PPCS: variants seen among roughly 807,000 people sequenced by gnomAD.
The protein encoded by PPCS is phosphopantothenate--cysteine ligase.
Under a neutral mutation model 24.6 loss-of-function variants are expected in PPCS, and 17 were observed. The observed-to-expected ratio is 0.69, with a 90% confidence interval of 0.47 to 1.04. The LOEUF (loss-of-function observed/expected upper bound fraction) is 1.04, where lower values mean the gene tolerates loss of function less well. Among genes scored for constraint, PPCS ranks in the 50% least tolerant of loss-of-function variants. The pLI is 0.00. For missense variants in PPCS, 360 were observed against 402.8 expected, an observed-to-expected ratio of 0.89 and a Z score of 0.91; for synonymous variants, 190 against 168.3, an observed-to-expected ratio of 1.13 and a Z score of -1.00.
chr1:42,456,579 A>G lies in PPCS; in HGVS notation c.14A>G (p.Asp5Gly), dbSNP rs1438766858. The change falls in exon 1 of 3, where the codon GAT becomes GGT. Residue 5 changes from aspartate to glycine, a missense_variant. By Grantham distance (94) the Asp-to-Gly change is moderately conservative. This residue lies in a region of PPCS where 244 missense variants were observed against 234.7 expected (regional missense o/e 1.04). Transcript: ENST00000372561. ...GCTGCGCTGCAGATGGCGGAAATGG[A>G]TCCGGTAGCCGAGTTCCCCCAGCCT... MAEM[D>G]PVAEFPQPPG... 26 of 1,487,878 alleles carry G rather than the reference A, an allele frequency of 1.7e-5. No homozygotes were observed. Among genetic ancestry groups the G allele is most frequent in the Non-Finnish European group, 2.2e-5 (25 of 1,120,864 alleles). The allele number at this position is 1,487,878 out of a possible 1,614,324, so 92.2% of individuals were successfully genotyped here.
At chr1:42,457,722 G>T (rs1643267631) in intron 2 of PPCS, among the ~76,000 whole-genome samples, 1 of 152,150 alleles carries the variant, frequency 6.6e-6, no homozygotes, top group African/African-American at 2.4e-5. Context: ...GGAGGCCAAG[G>T]AGGGCAGATC....
chr1:42,467,960 T>C (rs868229132), intron 2 of PPCS, among the ~76,000 whole-genome samples: 1 of 152,244 alleles, frequency 6.6e-6, no homozygotes. Flanking sequence ...AGTTTTTCTC[T>C]GTAGAGAAGC....
At chr1:42,473,119 A>C (rs1643822848) in intron 2 of PPCS, 1 of 1,227,626 alleles carries the variant, frequency 8.1e-7, no homozygotes, top group African/African-American at 1.6e-5. Context: ...TTCTTCTATC[A>C]AGGGAAAAGT....
intron 2 of PPCS, among the ~76,000 whole-genome samples, chr1:42,458,650 C>T (rs1643310594): frequency 6.6e-6 from 1 of 151,960 alleles, no homozygotes; most frequent in South Asian, 2.1e-4. Flanking sequence ...ACACTAACAG[C>T]TTTTTTTTAG....
downstream of PPCS, among the ~76,000 whole-genome samples, chr1:42,462,280 A>G (rs1324291148): frequency 6.6e-6 from 1 of 152,154 alleles, no homozygotes; most frequent in Admixed American, 6.5e-5. Flanking sequence ...GAAAAGGAAC[A>G]TGAGTCAATG....
chr1:42,464,746 G>A (rs1643514977), downstream of PPCS, among the ~76,000 whole-genome samples: 1 of 152,190 alleles, frequency 6.6e-6, no homozygotes, highest in South Asian at 2.1e-4. Context: ...TTCTTCTTCA[G>A]TATTCAGGTT....
In PPCS at chr1:42,460,067, G is replaced by C. The variant is rs555182356; in HGVS notation, c.*141G>C. 1 of 1,405,682 alleles carries C rather than the reference G, an allele frequency of 7.1e-7. No individual in the cohort carries two copies. The highest frequency in any genetic ancestry group is 2.5e-5 in the East Asian group (1 of 39,638). The allele number at this position is 1,405,682 out of a possible 1,614,324, so 87.1% of individuals were successfully genotyped here. On this transcript the variant is annotated 3_prime_UTR_variant, in exon 3 of 3. Coordinates refer to ENST00000372561, the MANE Select transcript of PPCS (RefSeq NM_024664.4). ...GTGGTGTGTAGGCAAATATGGTTTG[G>C]CATTTGTCTTTTAATGACACCTGAT... is the stretch of plus-strand genomic sequence containing the variant.
At chr1:42,456,425 T>G, upstream of PPCS, 1 of 921,508 alleles carries the variant, frequency 1.1e-6, no homozygotes, top group East Asian at 2.8e-5. Flanking sequence ...ATTTCCAGAC[T>G]TGGCGAGATC....
chr1:42,463,266 T>C (rs538597585), downstream of PPCS: 3 of 152,364 alleles, frequency 2.0e-5, no homozygotes, highest in South Asian at 2.1e-4. Context: ...CGCGTCTGCG[T>C]CTCTGCGGCG....
chr1:42,464,495 C>A (rs16829565), downstream of PPCS, among the ~76,000 whole-genome samples: 21,172 of 152,142 alleles, frequency 0.14, 1,601 homozygotes, highest in East Asian at 0.18. Context: ...GCCTTCTTTT[C>A]CTGTCAATTT....
At chr1:42,469,173 G>A (rs1158843563) in intron 2 of PPCS, among the ~76,000 whole-genome samples, 1 of 152,154 alleles carries the variant, frequency 6.6e-6, no homozygotes, top group Non-Finnish European at 1.5e-5. Flanking sequence ...GAGCCCCGGT[G>A]TTCAATTCCA....
intron 1 of PPCS, 78 bp downstream of exon 1, chr1:42,457,151 T>C (rs1399122582): frequency 1.9e-6 from 3 of 1,592,740 alleles, no homozygotes; most frequent in African/African-American, 2.7e-5. Flanking sequence ...ACCTCCTGCT[T>C]ACCCACGGAT....
chr1:42,472,769 C>T lies in PPCS; in HGVS notation n.378-353C>T, dbSNP rs79144164. Among the ~76,000 whole-genome samples the T allele has an allele frequency of 3.9e-3, 590 of 152,012 alleles. 1 individual carries two copies. Among genetic ancestry groups the T allele is most frequent in the African/African-American group, 0.013 (521 of 41,428 alleles). On this transcript the variant is annotated intron_variant and non_coding_transcript_variant, in intron 2 of 2. Transcript: ENST00000471420. ...TTACCAGCTGTTTCATTTAAGTGCT[C>T]ATAACTAGATAACAACAGGAAAAGT... is the stretch of plus-strand genomic sequence containing the variant.
At chr1:42,458,362 T>C (rs185383319) in intron 2 of PPCS, among the ~76,000 whole-genome samples, 216 of 152,294 alleles carry the variant, frequency 1.4e-3, no homozygotes, top group Non-Finnish European at 1.7e-3. Flanking sequence ...TTTTGGAACC[T>C]TCAGGAGTTC....
intron 2 of PPCS, 173 bp from the exon 3 acceptor site, chr1:42,459,430 G>A: frequency 1.6e-6 from 1 of 644,748 alleles, no homozygotes; most frequent in South Asian, 2.1e-5. Flanking sequence ...CAAAGTGCTG[G>A]GATTACAGGC....
chr1:42,459,613 A>C lies in PPCS; in HGVS notation c.623A>C (p.Lys208Thr). Reference sequence around the variant, plus strand: ...CTTTTTCCAATACAGATAACAATGAAGATGGTGCCAAAACTGCTTTCTCCT... The same window carrying C: ...CTTTTTCCAATACAGATAACAATGACGATGGTGCCAAAACTGCTTTCTCCT... ...SSGGPLQITM[K>T]MVPKLLSPLV... Residue 208 changes from lysine (K) to threonine (T), a missense_variant, in exon 3 of 3, where the codon AAG (lysine) becomes ACG (threonine). Coordinates refer to ENST00000372561, the MANE Select transcript of PPCS (RefSeq NM_024664.4). 6.2e-7 allele frequency: 1 copy of C among 1,613,220 alleles called. No individual in the cohort carries two copies. The highest frequency in any genetic ancestry group is 2.2e-5 in the East Asian group (1 of 44,870).
In PPCS at chr1:42,456,770, T is replaced by C. The variant is rs1156505243; in HGVS notation, c.205T>C (p.Ser69Pro). 6.2e-7 allele frequency: 1 copy of C among 1,612,554 alleles called. No individual in the cohort carries two copies. Among genetic ancestry groups the C allele is most frequent in the Admixed American group, 1.7e-5 (1 of 59,976 alleles). The change falls in exon 1 of 3, where the codon TCG (serine) becomes CCG (proline). Residue 69 changes from serine (S) to proline (P), a missense_variant. By Grantham distance (74) the Ser-to-Pro change is moderately conservative (BLOSUM62 -1). Around this residue, in one of 2 missense-constraint regions of PPCS, gnomAD observed 244 missense variants for 234.7 expected, o/e 1.04. Transcript: ENST00000372561. ...NFSSGRRGAT[S>P]AEAFLAAGYG... ...CAGCAGCGGGCGGCGCGGTGCAACC[T>C]CGGCCGAGGCCTTCCTAGCCGCCGG...
In PPCS at chr1:42,457,065, A is replaced by G. The variant is rs750829177; in HGVS notation, c.500A>G (p.Asn167Ser). The G allele has an allele frequency of 1.0e-5, 16 of 1,596,228 alleles. No individual in the cohort carries two copies. Among genetic ancestry groups the G allele is most frequent in the Admixed American group, 5.0e-5 (3 of 59,508 alleles). The change falls in exon 1 of 3, where the codon AAT becomes AGT. Residue 167 changes from asparagine (N) to serine (S), a missense_variant. Coordinates refer to ENST00000372561, the MANE Select transcript of PPCS (RefSeq NM_024664.4). Reference sequence around the variant, plus strand: ...TTGCAGGCTGCGGCCCAGGCACTCAATCCGCTAGGTGCGTGCCCTAGGAGT... The same window carrying G: ...TTGCAGGCTGCGGCCCAGGCACTCAGTCCGCTAGGTGCGTGCCCTAGGAGT... The part of the protein sequence containing the change: ...HLLQAAAQAL[N>S]PLGPSAMFYL...
chr1:42,457,115 C>G, intron 1 of PPCS, 42 bp downstream of exon 1: 1 of 1,575,822 alleles, frequency 6.3e-7, no homozygotes. Flanking sequence ...GAAGCACAGC[C>G]TTTCTTTCCA....
Sources: allele counts gnomAD v4.1 joint callset (sites outside exome capture counted in the v4.1 genomes callset), GRCh38; gene constraint gnomAD v4.1.1; regional missense constraint gnomAD v4.1.1; transcripts MANE v1.5; gene names NCBI Gene and HGNC (gene_info 2026-07-23, HGNC 2026-07-21).